Variants in ANO6 observed in about 807,000 individuals in gnomAD.
ANO6 encodes anoctamin-6.
In ANO6, 106 loss-of-function variants were observed where a neutral mutation model predicts 117.5. That is an observed-to-expected ratio of 0.90 (90% CI 0.77 to 1.06). The LOEUF is 1.06. ANO6 is among the 50% of genes least tolerant of loss of function. ANO6 has a pLI of 0.00. For synonymous variants in ANO6, 367 were observed against 385.1 expected (o/e 0.95, Z 0.55); for missense variants, 955 against 1,121.1 (o/e 0.85, Z 2.12).
Position 45,277,176 on chromosome 12 carries a change from T to A in ANO6, c.71-24838T>A, listed in dbSNP as rs183682804. ...CCAACCCCATTCCCTCAATTGTAATTGTGTTATAATTTTGGTAAGATCAGT... is the reference window on the plus strand; with the variant it reads ...CCAACCCCATTCCCTCAATTGTAATAGTGTTATAATTTTGGTAAGATCAGT... On this transcript the variant is annotated intron_variant, in intron 1 of 19. Coordinates refer to ENST00000320560, the MANE Select transcript of ANO6 (RefSeq NM_001025356.3). Among the ~76,000 whole-genome samples, 505 of 152,328 alleles carry A rather than the reference T, an allele frequency of 3.3e-3. 1 individual carries two copies. The highest frequency in any genetic ancestry group is 5.7e-3 in the Non-Finnish European group (387 of 68,026).
At chr12:45,399,019 G>A (rs1942707203) in intron 12 of ANO6, among the ~76,000 whole-genome samples, 1 of 152,124 alleles carries the variant, frequency 6.6e-6, no homozygotes, top group Non-Finnish European at 1.5e-5. Context: ...TATGGCTCCA[G>A]TCAAAGCTAG....
intron 7 of ANO6, among the ~76,000 whole-genome samples, chr12:45,351,712 C>T (rs1941285489): frequency 6.6e-6 from 1 of 152,070 alleles, no homozygotes; most frequent in Non-Finnish European, 1.5e-5. Flanking sequence ...GAGATGCACA[C>T]ACATTTGGCA....
chr12:45,235,401 T>C (rs1947630152), intron 1 of ANO6, among the ~76,000 whole-genome samples: 1 of 152,206 alleles, frequency 6.6e-6, no homozygotes, highest in Non-Finnish European at 1.5e-5. Context: ...TTTCCTGCAA[T>C]AAGAGATGGG....
intron 9 of ANO6, among the ~76,000 whole-genome samples, chr12:45,374,175 G>C (rs1941934493): frequency 7.3e-6 from 1 of 137,186 alleles, no homozygotes; most frequent in South Asian, 2.6e-4. Flanking sequence ...TCTCTGAATA[G>C]ACCAATAACA....
At chr12:45,266,805 A>AGTGTGTGT (rs57682251) in intron 1 of ANO6, among the ~76,000 whole-genome samples, 4,506 of 145,710 alleles carry the variant, frequency 0.031, 110 homozygotes, top group East Asian at 0.14. Context: ...TCAAAAAACA[A>AGTGTGTGT]GTGTGTGTGT....
intron 9 of ANO6, among the ~76,000 whole-genome samples, chr12:45,371,690 C>A (rs965776202): frequency 6.6e-6 from 1 of 152,094 alleles, no homozygotes; most frequent in Admixed American, 6.5e-5. Context: ...GAAAGGACAT[C>A]CACACCAAAA....
At chr12:45,283,374 A>C (rs1018325293) in intron 1 of ANO6, among the ~76,000 whole-genome samples, 1 of 152,110 alleles carries the variant, frequency 6.6e-6, no homozygotes, top group Non-Finnish European at 1.5e-5. Context: ...ATGGCATAGG[A>C]GGAGGCTTTG....
chr12:45,392,819 C>T (rs2137591237), intron 12 of ANO6, among the ~76,000 whole-genome samples: 1 of 152,318 alleles, frequency 6.6e-6, no homozygotes, highest in Non-Finnish European at 1.5e-5. Flanking sequence ...AAAAGGTCAT[C>T]TACACCAAAA....
chr12:45,322,073 T>C (rs1430924996), intron 2 of ANO6, among the ~76,000 whole-genome samples: 1 of 152,138 alleles, frequency 6.6e-6, no homozygotes, highest in Non-Finnish European at 1.5e-5. Flanking sequence ...GCACCATCAT[T>C]GCAGATGGTA....
At chr12:45,240,342 C>T (rs1320790895) in intron 1 of ANO6, among the ~76,000 whole-genome samples, 8 of 127,964 alleles carry the variant, frequency 6.3e-5, no homozygotes, top group African/African-American at 2.3e-4. Flanking sequence ...ACTAGGATTG[C>T]AACCCCTGAT....
intron 2 of ANO6, among the ~76,000 whole-genome samples, chr12:45,302,340 A>G (rs1289007301): frequency 2.0e-5 from 3 of 152,186 alleles, no homozygotes; most frequent in African/African-American, 7.2e-5. Context: ...ATGGGAGTTC[A>G]CTTTGTAATA....
At chr12:45,303,847 C>CT (rs1939578360) in intron 2 of ANO6, among the ~76,000 whole-genome samples, 2 of 152,196 alleles carry the variant, frequency 1.3e-5, no homozygotes, top group African/African-American at 4.8e-5. Flanking sequence ...GATTCTTGGG[C>CT]TAAATCCCCA....
intron 1 of ANO6, among the ~76,000 whole-genome samples, chr12:45,300,818 A>G (rs1414790620): frequency 1.3e-5 from 2 of 152,278 alleles, no homozygotes; most frequent in South Asian, 2.1e-4. Flanking sequence ...AGTTAAAAAT[A>G]AAAAAGTTCT....
intron 10 of ANO6, among the ~76,000 whole-genome samples, chr12:45,378,813 G>T (rs980882052): frequency 6.6e-6 from 1 of 152,120 alleles, no homozygotes; most frequent in South Asian, 2.1e-4. Context: ...TTATGGGTGA[G>T]CTTTCTTTCT....
intron 1 of ANO6, chr12:45,228,110 G>T: frequency 2.5e-6 from 1 of 405,060 alleles, no homozygotes; most frequent in South Asian, 1.8e-5. Flanking sequence ...TATTCTCCTA[G>T]GCTTTTTGTG....
chr12:45,308,460 G>A (rs1365910225), intron 2 of ANO6, among the ~76,000 whole-genome samples: 1 of 151,948 alleles, frequency 6.6e-6, no homozygotes, highest in African/African-American at 2.4e-5. Flanking sequence ...AGAGGGAAAT[G>A]GGATCCGAAG....
intron 2 of ANO6, among the ~76,000 whole-genome samples, chr12:45,302,752 T>C (rs1287763206): frequency 6.6e-6 from 1 of 152,196 alleles, no homozygotes; most frequent in Non-Finnish European, 1.5e-5. Context: ...AAATAGATTT[T>C]TACATTAGGC....
At chr12:45,230,551 G>A (rs573754256) in intron 1 of ANO6, among the ~76,000 whole-genome samples, 84 of 151,600 alleles carry the variant, frequency 5.5e-4, no homozygotes, top group Non-Finnish European at 1.0e-3. Flanking sequence ...AGAAATATAA[G>A]TGAGGTCATT....
intron 1 of ANO6, among the ~76,000 whole-genome samples, chr12:45,255,418 G>T (rs1269950498): frequency 1.3e-5 from 2 of 152,138 alleles, no homozygotes; most frequent in Non-Finnish European, 2.9e-5. Context: ...CAGGAGAATT[G>T]CTTGAACCCG....
Sources: gnomAD v4.1 joint callset for allele counts (sites outside exome capture counted in the v4.1 genomes callset) on GRCh38, gnomAD v4.1.1 for gene constraint, MANE v1.5 for transcripts, NCBI Gene and HGNC (gene_info 2026-07-23, HGNC 2026-07-21) for gene names.